Variants in KRT4 observed in about 807,000 individuals in gnomAD.
KRT4 encodes keratin 4.
KRT4 carries 47 observed loss-of-function variants against 50.6 expected under a neutral mutation model. That is an observed-to-expected ratio of 0.93 (90% CI 0.73 to 1.18). The LOEUF (loss-of-function observed/expected upper bound fraction) is 1.18. Among genes scored for constraint, KRT4 ranks in the 50% most tolerant of loss-of-function variants. The probability of loss-of-function intolerance (pLI) is 0.00; values close to 1 mark genes in which losing one functional copy is unlikely to be tolerated. For synonymous variants in KRT4, 254 were observed against 251.2 expected, an observed-to-expected ratio of 1.01 and a Z score of -0.10; for missense variants, 651 against 645.7, an observed-to-expected ratio of 1.01 and a Z score of -0.09.
intron 1 of KRT4, among the ~76,000 whole-genome samples, chr12:52,813,313 T>C (rs1375431237): frequency 6.6e-6 from 1 of 152,208 alleles, no homozygotes; most frequent in Non-Finnish European, 1.5e-5. Context: ...ACCCCCTTTA[T>C]AGCTGGGATG....
intron 7 of KRT4, 48 bp downstream of exon 7, chr12:52,807,596 C>T: frequency 6.3e-7 from 1 of 1,595,380 alleles, no homozygotes. Flanking sequence ...AAGCTCATGG[C>T]CCTGGACCTC....
chr12:52,809,505 A>T, intron 3 of KRT4, 27 bp from the exon 4 acceptor site: 1 of 1,538,108 alleles, frequency 6.5e-7, no homozygotes, highest in Non-Finnish European at 9.0e-7. Flanking sequence ...AGGATAAGAG[A>T]TGAGGAGCAG....
In KRT4 at chr12:52,807,165, G is replaced by A. The variant is rs1345230715; in HGVS notation, c.1467C>T (p.Gly489=). 6.2e-6 allele frequency: 10 copies of A among 1,614,160 alleles called. No homozygotes were observed. The highest frequency in any genetic ancestry group is 8.5e-6 in the Non-Finnish European group (10 of 1,180,014). ...ACCCAAAGCCACTTCCAGAGCCGGAGCCAAAGCCACTACTCAGGCCAAACC... is the reference window on the plus strand; with the variant it reads ...ACCCAAAGCCACTTCCAGAGCCGGAACCAAAGCCACTACTCAGGCCAAACC... The part of the protein sequence containing the change: ...GSGFGLSSGF[G]SGSGSGFGFG... Residue 489 remains glycine, a synonymous_variant, in exon 9 of 9, where the codon GGC becomes GGT. Coordinates refer to ENST00000551956, the MANE Select transcript of KRT4 (RefSeq NM_002272.4).
intron 2 of KRT4, among the ~76,000 whole-genome samples, chr12:52,811,236 G>A (rs1247761259): frequency 6.6e-6 from 1 of 152,182 alleles, no homozygotes; most frequent in East Asian, 1.9e-4. Flanking sequence ...CCCATAGTGA[G>A]TTTAATGAGA....
intron 4 of KRT4, chr12:52,809,135 A>G (rs1352588289): frequency 1.1e-5 from 7 of 622,736 alleles, no homozygotes; most frequent in East Asian, 5.5e-5. Flanking sequence ...AATGCTAGAC[A>G]GCAATGAATT....
At chr12:52,809,909 T>C (rs774546774) in intron 3 of KRT4, among the ~76,000 whole-genome samples, 1 of 152,184 alleles carries the variant, frequency 6.6e-6, no homozygotes, top group Non-Finnish European at 1.5e-5. Flanking sequence ...CACAATAGAA[T>C]ACTACTCAGC....
chr12:52,813,900 G>A lies in KRT4; in HGVS notation c.159C>T (p.Tyr53=), dbSNP rs1337900822. ...SSGGFGSRSL[Y]NLRGNKSISM... ...AGATGCTTTTGTTCCCCCTGAGGTT[G>A]TAGAGGCTTCTGCTGCCAAATCCCC... Residue 53 remains tyrosine (Y), a synonymous_variant, in exon 1 of 9, where the codon TAC becomes TAT. Transcript: ENST00000551956. The A allele has an allele frequency of 1.7e-6, 2 of 1,190,482 alleles. No homozygotes were observed. Among genetic ancestry groups the A allele is most frequent in the African/African-American group, 6.6e-5 (2 of 30,180 alleles). The allele number at this position is 1,190,482 out of a possible 1,614,324, so 73.7% of individuals were successfully genotyped here. A position where few individuals can be genotyped will look rare whatever the true frequency, so the allele number is the denominator to read the frequency against.
intron 2 of KRT4, among the ~76,000 whole-genome samples, chr12:52,811,224 A>G (rs2121252826): frequency 6.6e-6 from 1 of 152,304 alleles, no homozygotes; most frequent in Middle Eastern, 3.4e-3. Flanking sequence ...TGTCAGTCCT[A>G]TCCCATAGTG....
In KRT4 at chr12:52,808,290, C is replaced by T; in HGVS notation, c.1125+4G>A. ...TGCTCCATCTGGAAGGGAGTGACAC[C>T]CACCTGCTTCTTGATGTTCTCGATC... On this transcript the variant is annotated splice_donor_region_variant and intron_variant, in intron 6 of 8. Transcript: ENST00000551956. 6.2e-7 allele frequency: 1 copy of T among 1,614,028 alleles called. No homozygotes were observed. The highest frequency in any genetic ancestry group is 8.5e-7 in the Non-Finnish European group (1 of 1,180,004).
chr12:52,807,853 A>T lies in KRT4; in HGVS notation c.1137T>A (p.Leu379=). The T allele has an allele frequency of 6.2e-7, 1 of 1,613,784 alleles. No individual in the cohort carries two copies. Among genetic ancestry groups the T allele is most frequent in the Non-Finnish European group, 8.5e-7 (1 of 1,180,018 alleles). The change falls in exon 7 of 9, where the codon CTT becomes CTA. Residue 379 remains leucine (L), a synonymous_variant. Transcript: ENST00000551956. ...GCTCTGCATCAGCCACGGATACCTG[A>T]AGAGTCTGGCACTATTGACAAAGGC... ...IENIKKQCQT[L]QVSVADAEQR...
rs768566711 is a variant in KRT4, at chr12:52,807,764, T to G, written c.1226A>C (p.Gln409Pro). The G allele has an allele frequency of 4.6e-5, 74 of 1,614,230 alleles. 2 individuals carry two copies. The South Asian group carries it at 7.9e-4, about 17-fold the overall frequency. ...SKRVELEAAL[Q>P]QAKEELARML... ...TCGTGCCAGCTCCTCCTTGGCCTGC[T>G]GCAGGGCAGCCTCCAGCTCTACGCG... is the stretch of plus-strand genomic sequence containing the variant. Residue 409 changes from glutamine (Q) to proline (P), a missense_variant, in exon 7 of 9, where the codon CAG (glutamine) becomes CCG (proline). Transcript: ENST00000551956.
intron 1 of KRT4, 26 bp downstream of exon 1, chr12:52,813,571 C>T (rs765437660): frequency 1.7e-5 from 28 of 1,603,336 alleles, no homozygotes; most frequent in Non-Finnish European, 2.1e-5. Context: ...TCTAACTGCC[C>T]CTCTCCAGCC....
chr12:52,808,197 G>A lies in KRT4; in HGVS notation c.1125+97C>T, dbSNP rs1267914462. On this transcript the variant is annotated intron_variant, in intron 6 of 8. Coordinates refer to ENST00000551956, the MANE Select transcript of KRT4 (RefSeq NM_002272.4). ...TATGAATTCCCAGCAACAAGCTCAGGGTCTTCTGGCCTGATGCTTTATCTG... is the reference window on the plus strand; with the variant it reads ...TATGAATTCCCAGCAACAAGCTCAGAGTCTTCTGGCCTGATGCTTTATCTG... The A allele has an allele frequency of 3.0e-5, 44 of 1,481,328 alleles. 1 individual carries two copies. In the East Asian group the frequency reaches 9.5e-4, roughly 32 times the overall value. The allele number at this position is 1,481,328 out of a possible 1,614,324, so 91.8% of individuals were successfully genotyped here.
chr12:52,811,649 C>G lies in KRT4; in HGVS notation c.677+114G>C. On this transcript the variant is annotated intron_variant, in intron 2 of 8. Coordinates refer to ENST00000551956, the MANE Select transcript of KRT4 (RefSeq NM_002272.4). ...GGATGTAGCAAAACAGACTAGAGGG[C>G]CTTCCTAGACGCCTTCAGAGCCTGA... 3.6e-6 allele frequency: 3 copies of G among 833,246 alleles called. No individual in the cohort carries two copies. The South Asian group carries it at 4.3e-5, about 12-fold the overall frequency. 51.6% of individuals were successfully genotyped at this position (833,246 alleles called of 1,614,324 possible). A position where few individuals can be genotyped will look rare whatever the true frequency, so the allele number is the denominator to read the frequency against.
At position 52,810,742 on chromosome 12, in the gene KRT4, C is replaced by A; in HGVS notation, c.738+14G>T. The A allele has an allele frequency of 6.2e-7, 1 of 1,613,208 alleles. No individual in the cohort carries two copies. ...GCACCCTGAAGGCACTCCCTACCAT[C>A]CTTCGTCTCTTACCTTCTTTAGGAC... On this transcript the variant is annotated intron_variant, in intron 3 of 8. Transcript: ENST00000551956.
chr12:52,810,536 A>G (rs1429365613), intron 3 of KRT4, among the ~76,000 whole-genome samples: 1 of 152,064 alleles, frequency 6.6e-6, no homozygotes, highest in Non-Finnish European at 1.5e-5. Context: ...AAAAAGAGTG[A>G]AGCTCCATCT....
In KRT4 at chr12:52,813,705, C is replaced by A. The variant is rs1331551353; in HGVS notation, c.354G>T (p.Leu118Phe). Reference sequence around the variant, plus strand: ...CAATCTCCACGTGGAGGGGGGTGAGCAAGCTCTGGTTGATGGTGACCTCCT... The same window carrying A: ...CAATCTCCACGTGGAGGGGGGTGAGAAAGCTCTGGTTGATGGTGACCTCCT... ...GIQEVTINQSLLTPLHVEIDP... is the reference protein window; with the variant it reads ...GIQEVTINQSFLTPLHVEIDP... The change falls in exon 1 of 9, where the codon TTG (leucine) becomes TTT (phenylalanine). Residue 118 changes from leucine (L) to phenylalanine (F), a missense_variant. Transcript: ENST00000551956. 7.3e-7 allele frequency: 1 copy of A among 1,370,698 alleles called. No individual in the cohort carries two copies. The highest frequency in any genetic ancestry group is 9.5e-7 in the Non-Finnish European group (1 of 1,050,516). The allele number at this position is 1,370,698 out of a possible 1,614,324, so 84.9% of individuals were successfully genotyped here. A position where few individuals can be genotyped will look rare whatever the true frequency, so the allele number is the denominator to read the frequency against.
At chr12:52,807,926 G>C (rs1939831044) in intron 6 of KRT4, 62 bp from the exon 7 acceptor site, 1 of 1,423,228 alleles carries the variant, frequency 7.0e-7, no homozygotes, top group Non-Finnish European at 9.8e-7. Context: ...CTCTACACCT[G>C]TCCCCTCCCC....
Position 52,812,077 on chromosome 12 carries a change from G to A in KRT4, c.463-100C>T, listed in dbSNP as rs114607978. ...CCCAGTCAATCCCAGGGAACTACAC[G>A]GCCCAAGAACCACCCAAGTAGGGCC... On this transcript the variant is annotated intron_variant, in intron 1 of 8. Coordinates refer to ENST00000551956, the MANE Select transcript of KRT4 (RefSeq NM_002272.4). 320 of 952,012 alleles carry A rather than the reference G, an allele frequency of 3.4e-4. 3 individuals carry two copies. In the African/African-American group the frequency reaches 4.6e-3, roughly 14 times the overall value. 59.0% of individuals were successfully genotyped at this position (952,012 alleles called of 1,614,324 possible).
Sources: allele counts gnomAD v4.1 joint callset (sites outside exome capture counted in the v4.1 genomes callset), GRCh38; gene constraint gnomAD v4.1.1; transcripts MANE v1.5; gene names NCBI Gene and HGNC (gene_info 2026-07-23, HGNC 2026-07-21).